Variants in ZNF385D observed in about 807,000 individuals in gnomAD.
The protein encoded by ZNF385D is zinc finger protein 659.
A neutral mutation model predicts 35.8 loss-of-function variants in ZNF385D; 15 were observed. The ratio of observed to expected loss-of-function variants is 0.42; its 90% CI spans 0.28 to 0.64. ZNF385D has a LOEUF of 0.64. Ranked by LOEUF, ZNF385D falls within the 30% of genes least tolerant of loss-of-function variation. ZNF385D has a pLI of 0.23. For missense variants in ZNF385D, 474 were observed against 494.6 expected (o/e 0.96, Z 0.39); for synonymous variants, 212 against 186.8 (o/e 1.13, Z -1.10).
rs1294880926 is a variant in ZNF385D at position 21,786,789 on chromosome 3, A to G, written c.326-121761T>C. On this transcript the variant is annotated intron_variant, in intron 3 of 5. Coordinates refer to the ZNF385D transcript ENST00000494108. Reference sequence around the variant, plus strand: ...ATATGCTAATGAATGAAATCAACAGATTTCTTTTTTTGTATAAACAAACCT... The same window carrying G: ...ATATGCTAATGAATGAAATCAACAGGTTTCTTTTTTTGTATAAACAAACCT... Among the ~76,000 whole-genome samples the G allele has an allele frequency of 2.0e-5, 3 of 152,176 alleles. No homozygotes were observed. In the East Asian group the frequency reaches 5.8e-4, roughly 29 times the overall value.
intron 2 of ZNF385D, among the ~76,000 whole-genome samples, chr3:22,256,310 A>C (rs921630397): frequency 2.6e-5 from 4 of 151,356 alleles, no homozygotes; most frequent in Non-Finnish European, 5.9e-5. Flanking sequence ...CTATAAGGGT[A>C]CTTACGTAAT....
intron 2 of ZNF385D, among the ~76,000 whole-genome samples, chr3:22,253,222 G>C (rs571932778): frequency 5.3e-5 from 8 of 152,048 alleles, no homozygotes; most frequent in African/African-American, 1.4e-4. Flanking sequence ...ACTTAGAAAG[G>C]GCTGTTCAGA....
chr3:22,285,661 T>C (rs1701987341), intron 2 of ZNF385D, among the ~76,000 whole-genome samples: 2 of 152,100 alleles, frequency 1.3e-5, no homozygotes, highest in Admixed American at 1.3e-4. Context: ...TAGGTATATC[T>C]CCTAATGCTC....
chr3:22,269,025 C>G (rs910191873), intron 2 of ZNF385D, among the ~76,000 whole-genome samples: 3 of 151,856 alleles, frequency 2.0e-5, no homozygotes, highest in Admixed American at 2.0e-4. Context: ...AATGGTCTAT[C>G]AGGAGGAGAA....
chr3:22,069,474 G>T (rs1700125137), intron 3 of ZNF385D, among the ~76,000 whole-genome samples: 1 of 152,180 alleles, frequency 6.6e-6, no homozygotes, highest in Admixed American at 6.5e-5. Flanking sequence ...ATAGTGCATA[G>T]GCAATATAAA....
intron 2 of ZNF385D, among the ~76,000 whole-genome samples, chr3:22,205,395 AAAAAG>A (rs1315300648): frequency 6.6e-6 from 1 of 151,958 alleles, no homozygotes; most frequent in African/African-American, 2.4e-5. Flanking sequence ...TAAAGAAAAA[AAAAAG>A]AAAACATTTA....
At chr3:21,825,631 A>C (rs983835574) in intron 3 of ZNF385D, among the ~76,000 whole-genome samples, 63 of 152,194 alleles carry the variant, frequency 4.1e-4, no homozygotes, top group Admixed American at 4.1e-3. Context: ...TCAATAAACA[A>C]GTTTTCACAC....
intron 3 of ZNF385D, among the ~76,000 whole-genome samples, chr3:21,877,603 T>A (rs932484391): frequency 2.6e-5 from 4 of 152,122 alleles, no homozygotes; most frequent in African/African-American, 9.6e-5. Flanking sequence ...CTGTGCTGTA[T>A]AGCAGTTCTT....
At chr3:21,737,391 G>C (rs1050782891) in intron 1 of ZNF385D, among the ~76,000 whole-genome samples, 1 of 151,754 alleles carries the variant, frequency 6.6e-6, no homozygotes, top group Non-Finnish European at 1.5e-5. Flanking sequence ...ATCAGTATAC[G>C]ATACATAAAA....
intron 3 of ZNF385D, among the ~76,000 whole-genome samples, chr3:21,997,872 CGTGTGTGTGTGTGT>C (rs751459423): frequency 3.3e-5 from 3 of 90,194 alleles, no homozygotes; most frequent in South Asian, 4.0e-4. Flanking sequence ...CGCGCGCGCG[CGTGTGTGTGTGTGT>C]GTGTGTGTGT....
intron 3 of ZNF385D, among the ~76,000 whole-genome samples, chr3:21,976,877 A>G (rs1262933573): frequency 6.6e-6 from 1 of 152,172 alleles, no homozygotes; most frequent in African/African-American, 2.4e-5. Flanking sequence ...AATCCCAGCT[A>G]CTTGGGAGGC....
At chr3:22,315,689 C>T (rs1057436184) in intron 2 of ZNF385D, among the ~76,000 whole-genome samples, 1 of 152,184 alleles carries the variant, frequency 6.6e-6, no homozygotes, top group Non-Finnish European at 1.5e-5. Context: ...CAGAAGTCTA[C>T]CATGGCTGAC....
chr3:22,057,836 A>G (rs564294005), intron 3 of ZNF385D, among the ~76,000 whole-genome samples: 1 of 152,238 alleles, frequency 6.6e-6, no homozygotes, highest in East Asian at 1.9e-4. Flanking sequence ...AACCCAATTT[A>G]CTTTTCCTGA....
At chr3:22,188,102 G>T (rs1695761513) in intron 2 of ZNF385D, among the ~76,000 whole-genome samples, 1 of 152,172 alleles carries the variant, frequency 6.6e-6, no homozygotes, top group Non-Finnish European at 1.5e-5. Flanking sequence ...AGATGGGAAA[G>T]GAAGAGCCTT....
intron 2 of ZNF385D, among the ~76,000 whole-genome samples, chr3:22,231,836 G>A (rs1442665058): frequency 6.6e-6 from 1 of 152,048 alleles, no homozygotes; most frequent in Non-Finnish European, 1.5e-5. Context: ...GATCCTTTTT[G>A]AATGGTTTAG....
chr3:22,042,095 A>G (rs166315), intron 3 of ZNF385D, among the ~76,000 whole-genome samples: 43,042 of 151,964 alleles, frequency 0.28, 6,385 homozygotes, highest in Middle Eastern at 0.37. Context: ...GGTTTATCAG[A>G]TTGGGTCAAA....
At chr3:22,099,294 G>C (rs953126705) in intron 3 of ZNF385D, among the ~76,000 whole-genome samples, 31 of 152,102 alleles carry the variant, frequency 2.0e-4, no homozygotes, top group Non-Finnish European at 2.4e-4. Flanking sequence ...CACTGTGAAA[G>C]TTGAGTAGAT....
At chr3:22,132,942 AT>A (rs1430963863) in intron 3 of ZNF385D, among the ~76,000 whole-genome samples, 1 of 152,166 alleles carries the variant, frequency 6.6e-6, no homozygotes, top group Non-Finnish European at 1.5e-5. Flanking sequence ...AACTCAAAAG[AT>A]TCAGACTGTG....
In ZNF385D at chr3:22,203,954, C is replaced by A. The variant is rs944067272; in HGVS notation, c.107-34919G>T. 2.6e-5 allele frequency among the ~76,000 whole-genome samples: 4 copies of A among 152,188 alleles called. No homozygotes were observed. In the East Asian group the frequency reaches 5.8e-4, roughly 22 times the overall value. On this transcript the variant is annotated intron_variant, in intron 2 of 5. Coordinates refer to the ZNF385D transcript ENST00000494108. ...AAAAGAAGTCTGGTTGGCTTCATAA[C>A]CTGCTGATTATGGAGCCTTAGGGCT...
Sources: allele counts gnomAD v4.1 joint callset (sites outside exome capture counted in the v4.1 genomes callset), GRCh38; gene constraint gnomAD v4.1.1; transcripts MANE v1.5; gene names NCBI Gene and HGNC (gene_info 2026-07-23, HGNC 2026-07-21).